The following PDZD2 variants were observed in gnomAD, a reference collection of about 807,000 sequenced individuals.
The protein encoded by PDZD2 is PDZ domain containing 2.
PDZD2 carries 90 observed loss-of-function variants against 220.7 expected under a neutral mutation model. That is an observed-to-expected ratio of 0.41 (90% confidence interval 0.34 to 0.49). The LOEUF (loss-of-function observed/expected upper bound fraction) is 0.49, where lower values mean the gene tolerates loss of function less well. Among genes scored for constraint, PDZD2 ranks in the 20% least tolerant of loss-of-function variants. PDZD2 has a pLI of 0.28. For missense variants in PDZD2, 3,174 were observed against 3,608.5 expected, an observed-to-expected ratio of 0.88 and a Z score of 3.08; for synonymous variants, 1,375 against 1,450.5, an observed-to-expected ratio of 0.95 and a Z score of 1.18.
intron 1 of PDZD2, among the ~76,000 whole-genome samples, chr5:31,725,268 G>T (rs1206198386): frequency 6.6e-6 from 1 of 151,330 alleles, no homozygotes; most frequent in Non-Finnish European, 1.5e-5. Flanking sequence ...AACCCGAGAG[G>T]CGGAGGTTGT....
intron 2 of PDZD2, among the ~76,000 whole-genome samples, chr5:31,914,878 G>A (rs1743544367): frequency 6.6e-6 from 1 of 152,192 alleles, no homozygotes; most frequent in African/African-American, 2.4e-5. Context: ...ATTCTGACAT[G>A]TGCTCATACA....
In PDZD2 at chr5:31,877,230, T is replaced by G. The variant is rs556781430; in HGVS notation, c.476+77506T>G. 2.0e-5 allele frequency among the ~76,000 whole-genome samples: 3 copies of G among 152,144 alleles called. No individual in the cohort carries two copies. In the South Asian group the frequency reaches 6.2e-4, roughly 32 times the overall value. ...GTTTTTTTGTTTGTTTGTTTGTTTG[T>G]TTTGAGATGGGTTCTCTCTCTGTCA... On this transcript the variant is annotated intron_variant, in intron 2 of 24. Coordinates refer to ENST00000438447, the MANE Select transcript of PDZD2 (RefSeq NM_178140.4).
chr5:32,080,124 G>A (rs1031043181), intron 19 of PDZD2, among the ~76,000 whole-genome samples: 3 of 151,978 alleles, frequency 2.0e-5, no homozygotes, highest in African/African-American at 4.8e-5. Context: ...CAAGACGGAC[G>A]GATCACAAGG....
chr5:31,648,547 G>T (rs1014305450), intron 1 of PDZD2, among the ~76,000 whole-genome samples: 6 of 152,068 alleles, frequency 3.9e-5, no homozygotes, highest in Non-Finnish European at 2.9e-5. Context: ...AGCCGCCCTT[G>T]TTAAAATCAC....
intron 5 of PDZD2, 27 bp from the exon 6 acceptor site, chr5:32,010,303 G>T (rs1181721563): frequency 1.1e-5 from 18 of 1,568,506 alleles, no homozygotes; most frequent in Non-Finnish European, 1.6e-5. Flanking sequence ...GTAATTCATG[G>T]ATGGGCCTTT....
intron 1 of PDZD2, among the ~76,000 whole-genome samples, chr5:31,753,377 C>T (rs931170750): frequency 3.3e-5 from 5 of 152,164 alleles, no homozygotes; most frequent in Admixed American, 6.5e-5. Flanking sequence ...GCCAGCAGGG[C>T]GGATCACTTT....
intron 2 of PDZD2, among the ~76,000 whole-genome samples, chr5:31,913,782 A>C (rs920519304): frequency 6.6e-6 from 1 of 152,194 alleles, no homozygotes; most frequent in African/African-American, 2.4e-5. Flanking sequence ...ACAATATTAG[A>C]AGTAGAGTCG....
intron 2 of PDZD2, among the ~76,000 whole-genome samples, chr5:31,862,101 G>GGT (rs1554084877): frequency 1.3e-5 from 1 of 78,496 alleles, no homozygotes; most frequent in Non-Finnish European, 2.4e-5. Flanking sequence ...TTTTTTTTGG[G>GGT]TTTTTTTTTT....
At chr5:31,788,065 G>A (rs1016235250) in intron 1 of PDZD2, among the ~76,000 whole-genome samples, 1 of 152,084 alleles carries the variant, frequency 6.6e-6, no homozygotes, top group Admixed American at 6.6e-5. Flanking sequence ...CAGCCATGTA[G>A]GCAGATACAA....
intron 1 of PDZD2, among the ~76,000 whole-genome samples, chr5:31,670,045 G>A (rs189554340): frequency 1.8e-4 from 28 of 152,294 alleles, no homozygotes; most frequent in Non-Finnish European, 3.5e-4. Flanking sequence ...AGGAAGCAGC[G>A]GGTGAGGAAT....
chr5:32,094,349 C>T (rs542397087), intron 21 of PDZD2, among the ~76,000 whole-genome samples: 1 of 152,108 alleles, frequency 6.6e-6, no homozygotes, highest in African/African-American at 2.4e-5. Flanking sequence ...GAGATTTGAA[C>T]CCTAATGAAT....
At chr5:31,822,482 G>A in intron 2 of PDZD2, 1 of 451,704 alleles carries the variant, frequency 2.2e-6, no homozygotes, top group Non-Finnish European at 4.1e-6. Flanking sequence ...GTCTTTTATT[G>A]CATCATTTAA....
intron 1 of PDZD2, among the ~76,000 whole-genome samples, chr5:31,669,692 G>A (rs1746139392): frequency 6.6e-6 from 1 of 152,178 alleles, no homozygotes; most frequent in South Asian, 2.1e-4. Context: ...ATTATTAGGA[G>A]CATTTGTAAA....
At chr5:31,676,708 C>T (rs1286498529) in intron 1 of PDZD2, among the ~76,000 whole-genome samples, 8 of 151,924 alleles carry the variant, frequency 5.3e-5, no homozygotes, top group Non-Finnish European at 1.0e-4. Context: ...GCATCCACCA[C>T]CACGCCCTGC....
intron 5 of PDZD2, among the ~76,000 whole-genome samples, chr5:32,006,420 C>G (rs1226350974): frequency 1.4e-5 from 2 of 142,732 alleles, no homozygotes; most frequent in Non-Finnish European, 3.0e-5. Flanking sequence ...GTGGTGTAAT[C>G]ATATAGCTCT....
intron 2 of PDZD2, among the ~76,000 whole-genome samples, chr5:31,903,404 TG>T (rs1288251603): frequency 1.3e-5 from 2 of 151,952 alleles, no homozygotes; most frequent in Non-Finnish European, 2.9e-5. Flanking sequence ...CCAAACACTT[TG>T]GGAGGCCATG....
At chr5:32,080,434 C>T (rs2112434539) in intron 19 of PDZD2, among the ~76,000 whole-genome samples, 1 of 151,378 alleles carries the variant, frequency 6.6e-6, no homozygotes. Context: ...TTCAATGTCA[C>T]CTTTCAAAGT....
In PDZD2 at chr5:31,841,970, C is replaced by CA. The variant is rs746655262; in HGVS notation, c.476+42257dup. Among the ~76,000 whole-genome samples, 355 of 140,208 alleles carry CA rather than the reference C, an allele frequency of 2.5e-3. 3 individuals carry two copies. The highest frequency in any genetic ancestry group is 0.021 in the East Asian group (104 of 4,888). The allele number at this position is 140,208 out of a possible 152,430, so 92.0% of individuals were successfully genotyped here. ...TGGGTAACAGAGCAAGACTCCATCT[C>CA]AAAAAAAAAAAGAATAATACCTAAC... On this transcript the variant is annotated intron_variant, in intron 2 of 24. Coordinates refer to ENST00000438447, the MANE Select transcript of PDZD2 (RefSeq NM_178140.4).
At chr5:31,679,185 T>C (rs1223358282) in intron 1 of PDZD2, among the ~76,000 whole-genome samples, 1 of 152,270 alleles carries the variant, frequency 6.6e-6, no homozygotes, top group Non-Finnish European at 1.5e-5. Context: ...GTAAGATGAA[T>C]TGACAGGTGC....
Sources: allele counts gnomAD v4.1 joint callset (sites outside exome capture counted in the v4.1 genomes callset), GRCh38; gene constraint gnomAD v4.1.1; transcripts MANE v1.5; gene names NCBI Gene and HGNC (gene_info 2026-07-23, HGNC 2026-07-21).